HIVEP3: variants seen among roughly 807,000 people sequenced by gnomAD.
HIVEP3 encodes the protein transcription factor HIVEP3.
Under a neutral mutation model 152.8 loss-of-function variants are expected in HIVEP3, and 49 were observed. The observed-to-expected ratio is 0.32, with a 90% CI of 0.26 to 0.41. The LOEUF is 0.41. Ranked by LOEUF, HIVEP3 falls within the 10% of genes least tolerant of loss-of-function variation. HIVEP3 has a pLI of 1.00. For synonymous variants in HIVEP3, 1,269 were observed against 1,289.0 expected, an observed-to-expected ratio of 0.98 and a Z score of 0.33; for missense variants, 2,790 against 3,103.3, an observed-to-expected ratio of 0.90 and a Z score of 2.40.
At position 41,668,641 on chromosome 1, in the gene HIVEP3, A is replaced by C. The variant is rs1032535576; in HGVS notation, c.-721+32275T>G. Among the ~76,000 whole-genome samples, 17 of 151,962 alleles carry C rather than the reference A, an allele frequency of 1.1e-4. 1 individual carries two copies. The highest frequency in any genetic ancestry group is 3.9e-4 in the African/African-American group (16 of 41,442). On this transcript the variant is annotated intron_variant, in intron 2 of 8. Transcript: ENST00000372583. ...CATGCCCTTCCTCCTCCTATCCCCC[A>C]TCCACCCTTCCCTCCAGCTCCCCTG...
intron 1 of HIVEP3, among the ~76,000 whole-genome samples, chr1:41,853,161 G>A (rs1467853724): frequency 6.6e-6 from 1 of 152,210 alleles, no homozygotes; most frequent in African/African-American, 2.4e-5. Flanking sequence ...TTATTGGGTT[G>A]TCTGGATCAG....
chr1:41,853,949 C>T (rs1199129520), intron 1 of HIVEP3, among the ~76,000 whole-genome samples: 1 of 152,120 alleles, frequency 6.6e-6, no homozygotes, highest in Non-Finnish European at 1.5e-5. Context: ...GCCAGAGGAG[C>T]TCACACATCG....
At chr1:41,750,496 G>A (rs1159887855) in intron 1 of HIVEP3, among the ~76,000 whole-genome samples, 2 of 152,310 alleles carry the variant, frequency 1.3e-5, no homozygotes, top group East Asian at 1.9e-4. Flanking sequence ...GATTCTGCAG[G>A]TCTGGGCTGG....
intron 5 of HIVEP3, among the ~76,000 whole-genome samples, chr1:41,527,479 TACTCACACACCACCCTCACACAC>T (rs1366111893): frequency 1.0e-4 from 7 of 69,498 alleles, no homozygotes; most frequent in Non-Finnish European, 3.0e-5. Flanking sequence ...CTCACCTTCA[TACTCACACACCACCCTCACACAC>T]ACTCACACAC....
At chr1:41,929,572 T>G (rs1644985186) in intron 1 of HIVEP3, among the ~76,000 whole-genome samples, 1 of 151,934 alleles carries the variant, frequency 6.6e-6, no homozygotes, top group Non-Finnish European at 1.5e-5. Flanking sequence ...ATGTGCTCAC[T>G]GCTACTGGGA....
Position 41,910,322 on chromosome 1 carries a change from T to A in HIVEP3, c.-801+8091A>T, listed in dbSNP as rs1222305453. On this transcript the variant is annotated intron_variant, in intron 1 of 8. Coordinates refer to ENST00000372583, the MANE Select transcript of HIVEP3 (RefSeq NM_024503.5). ...ATTTTGAAAACTCAGATAATATGGA[T>A]AAATTTCTAGAAAAATCTAATTTAC... is the stretch of plus-strand genomic sequence containing the variant. 5.3e-5 allele frequency among the ~76,000 whole-genome samples: 8 copies of A among 152,088 alleles called. No individual in the cohort carries two copies. In the East Asian group the frequency reaches 1.5e-3, roughly 29 times the overall value.
chr1:41,619,307 G>T (rs1285903285), intron 3 of HIVEP3, among the ~76,000 whole-genome samples: 1 of 152,178 alleles, frequency 6.6e-6, no homozygotes, highest in Admixed American at 6.5e-5. Context: ...TTGACAACCT[G>T]CCAGCCCCGT....
chr1:41,891,360 A>G (rs370479809), intron 1 of HIVEP3, among the ~76,000 whole-genome samples: 5 of 152,202 alleles, frequency 3.3e-5, no homozygotes, highest in African/African-American at 9.7e-5. Context: ...ACTGGGGGGA[A>G]TTTTGAGTTT....
intron 3 of HIVEP3, among the ~76,000 whole-genome samples, chr1:41,627,322 T>C (rs1006404853): frequency 6.6e-6 from 1 of 152,198 alleles, no homozygotes. Flanking sequence ...TTGGAGCAAT[T>C]TGCCTCTTAA....
intron 2 of HIVEP3, among the ~76,000 whole-genome samples, chr1:41,651,283 C>T (rs556873121): frequency 6.7e-4 from 102 of 152,060 alleles, no homozygotes; most frequent in African/African-American, 2.3e-3. Flanking sequence ...TGGTGGCACA[C>T]GCTTGTAATC....
chr1:41,700,378 C>T (rs959596141), intron 2 of HIVEP3, among the ~76,000 whole-genome samples: 2 of 152,082 alleles, frequency 1.3e-5, no homozygotes, highest in East Asian at 1.9e-4. Context: ...AATACAGGCC[C>T]CCTCCCCAAA....
At chr1:41,828,731 G>T (rs879634574) in intron 1 of HIVEP3, among the ~76,000 whole-genome samples, 1 of 152,122 alleles carries the variant, frequency 6.6e-6, no homozygotes, top group African/African-American at 2.4e-5. Flanking sequence ...GAGACCTTAG[G>T]GTGAGAAGTG....
At chr1:41,577,775 T>C (rs1201024602) in intron 4 of HIVEP3, among the ~76,000 whole-genome samples, 1 of 152,130 alleles carries the variant, frequency 6.6e-6, no homozygotes, top group African/African-American at 2.4e-5. Flanking sequence ...CAAAGATGAA[T>C]TGGACTGCAT....
chr1:41,605,108 T>TAAAAA (rs76841605), intron 3 of HIVEP3, among the ~76,000 whole-genome samples: 1 of 83,972 alleles, frequency 1.2e-5, no homozygotes. Context: ...CTGTCTCCAA[T>TAAAAA]AAAAAAAAAA....
intron 1 of HIVEP3, among the ~76,000 whole-genome samples, chr1:41,703,302 A>T (rs548120680): frequency 4.6e-5 from 7 of 152,322 alleles, no homozygotes; most frequent in Middle Eastern, 3.4e-3. Flanking sequence ...ACTGAATTAA[A>T]TTATTTTTGG....
rs182102507 is a variant in HIVEP3, at chr1:42,033,034, C to T, written n.119+2773G>A. Among the ~76,000 whole-genome samples the T allele has an allele frequency of 5.8e-4, 89 of 152,186 alleles. 1 individual carries two copies. The highest frequency in any genetic ancestry group is 6.8e-3 in the Middle Eastern group (2 of 294). Reference sequence around the variant, plus strand: ...TGGAGGTGTCCAAGCAGGAGCAGAACGAGCACTGAGTGGGACAGGTGCCCG... The same window carrying T: ...TGGAGGTGTCCAAGCAGGAGCAGAATGAGCACTGAGTGGGACAGGTGCCCG... On this transcript the variant is annotated intron_variant and non_coding_transcript_variant, in intron 1 of 3. Transcript: ENST00000489103.
At chr1:41,790,812 T>C (rs1345860566) in intron 1 of HIVEP3, among the ~76,000 whole-genome samples, 1 of 152,130 alleles carries the variant, frequency 6.6e-6, no homozygotes, top group Admixed American at 6.5e-5. Flanking sequence ...TTTATCTCCT[T>C]GGTCCCTAAC....
intron 1 of HIVEP3, among the ~76,000 whole-genome samples, chr1:41,708,536 C>T (rs1646467495): frequency 6.6e-6 from 1 of 152,228 alleles, no homozygotes; most frequent in Non-Finnish European, 1.5e-5. Context: ...GTGGCCATGA[C>T]AAGACCACTT....
At position 41,825,408 on chromosome 1, in the gene HIVEP3, C is replaced by T. The variant is rs560287217; in HGVS notation, c.-801+93005G>A. Among the ~76,000 whole-genome samples the T allele has an allele frequency of 1.9e-3, 295 of 152,132 alleles. 1 individual carries two copies. Among genetic ancestry groups the T allele is most frequent in the African/African-American group, 6.7e-3 (278 of 41,496 alleles). ...GGTAGGGCCAGCTTAGAGGACCTTA[C>T]AACAGGTGCTCGCCACCACGCCCAG... On this transcript the variant is annotated intron_variant, in intron 1 of 8. Transcript: ENST00000372583.
Sources: allele counts gnomAD v4.1 joint callset (sites outside exome capture counted in the v4.1 genomes callset), GRCh38; gene constraint gnomAD v4.1.1; transcripts MANE v1.5; gene names NCBI Gene and HGNC (gene_info 2026-07-23, HGNC 2026-07-21).